The following CNTN5 variants were observed in gnomAD, a reference collection of about 807,000 sequenced individuals.
The protein encoded by CNTN5 is contactin-5.
A neutral mutation model predicts 129.1 loss-of-function variants in CNTN5; 77 were observed. That is an observed-to-expected ratio of 0.60 (90% CI 0.50 to 0.72). The LOEUF (loss-of-function observed/expected upper bound fraction) is 0.72. CNTN5 is among the 30% of genes least tolerant of loss of function. CNTN5 has a pLI of 0.00. For synonymous variants in CNTN5, 509 were observed against 465.6 expected, an observed-to-expected ratio of 1.09 and a Z score of -1.20; for missense variants, 1,478 against 1,328.8, an observed-to-expected ratio of 1.11 and a Z score of -1.75.
chr11:99,420,309 C>A (rs1282523765), intron 2 of CNTN5, among the ~76,000 whole-genome samples: 1 of 151,994 alleles, frequency 6.6e-6, no homozygotes, highest in Admixed American at 6.6e-5. Flanking sequence ...AAGGTTATCC[C>A]CAAAATGATG....
At chr11:99,624,919 C>G (rs1951075651) in intron 3 of CNTN5, among the ~76,000 whole-genome samples, 1 of 152,146 alleles carries the variant, frequency 6.6e-6, no homozygotes, top group African/African-American at 2.4e-5. Flanking sequence ...AGCTCAAACC[C>G]TTGCCTGCTA....
chr11:99,813,956 T>A (rs1287150578), intron 3 of CNTN5, among the ~76,000 whole-genome samples: 1 of 152,134 alleles, frequency 6.6e-6, no homozygotes, highest in Non-Finnish European at 1.5e-5. Flanking sequence ...TTGAATACTT[T>A]TACCATATAC....
chr11:99,567,893 C>G (rs896700508), intron 3 of CNTN5, among the ~76,000 whole-genome samples: 2 of 151,894 alleles, frequency 1.3e-5, no homozygotes, highest in African/African-American at 2.4e-5. Context: ...ACTTAGTGAG[C>G]TTTGTTATTT....
intron 1 of CNTN5, among the ~76,000 whole-genome samples, chr11:99,036,771 T>C (rs939652116): frequency 1.3e-5 from 2 of 152,200 alleles, no homozygotes; most frequent in Admixed American, 6.5e-5. Context: ...ACAGAATGGT[T>C]CTAAAAGAAA....
intron 23 of CNTN5, 45 bp downstream of exon 23, chr11:100,341,250 T>C (rs764048503): frequency 1.5e-6 from 2 of 1,372,594 alleles, no homozygotes; most frequent in South Asian, 2.3e-5. Flanking sequence ...ATCTCCGAAA[T>C]TGTTATTATG....
intron 13 of CNTN5, among the ~76,000 whole-genome samples, chr11:100,120,213 GTTAC>G (rs1945972031): frequency 6.6e-6 from 1 of 151,842 alleles, no homozygotes; most frequent in African/African-American, 2.4e-5. Context: ...TACTCATCCA[GTTAC>G]TTACTTGGAA....
At chr11:99,686,983 G>C (rs1953820185) in intron 3 of CNTN5, among the ~76,000 whole-genome samples, 1 of 152,078 alleles carries the variant, frequency 6.6e-6, no homozygotes, top group African/African-American at 2.4e-5. Flanking sequence ...TTTCTGCTCA[G>C]ACTCTCACAG....
intron 18 of CNTN5, among the ~76,000 whole-genome samples, chr11:100,284,289 A>C (rs902468412): frequency 3.9e-5 from 6 of 152,196 alleles, no homozygotes; most frequent in Admixed American, 3.3e-4. Context: ...GTCCTTGCCA[A>C]GGGGACAATC....
intron 14 of CNTN5, 85 bp downstream of exon 14, chr11:100,191,338 G>A (rs578173409): frequency 8.5e-7 from 1 of 1,179,254 alleles, no homozygotes; most frequent in Non-Finnish European, 1.2e-6. Context: ...ATGCATATAT[G>A]TTTGGACTTA....
chr11:99,916,347 T>C (rs1360090801), intron 7 of CNTN5, among the ~76,000 whole-genome samples, 198 bp downstream of exon 7: 1 of 152,140 alleles, frequency 6.6e-6, no homozygotes, highest in Non-Finnish European at 1.5e-5. Context: ...TCCAATAAGA[T>C]TGTTTTATTG....
intron 20 of CNTN5, among the ~76,000 whole-genome samples, chr11:100,299,692 A>C (rs1200342468): frequency 6.6e-6 from 1 of 151,442 alleles, no homozygotes; most frequent in Admixed American, 6.6e-5. Flanking sequence ...CTCTGGGTGG[A>C]CATTAAGCCA....
chr11:100,088,808 CAAGA>C (rs1219861217), intron 13 of CNTN5, among the ~76,000 whole-genome samples: 3 of 151,878 alleles, frequency 2.0e-5, no homozygotes, highest in Non-Finnish European at 4.4e-5. Context: ...ACCAAACATA[CAAGA>C]AAGAGCTGAT....
intron 1 of CNTN5, among the ~76,000 whole-genome samples, chr11:99,307,719 C>T (rs1453700396): frequency 6.6e-6 from 1 of 152,028 alleles, no homozygotes; most frequent in Non-Finnish European, 1.5e-5. Context: ...TTGAGTCTAA[C>T]CATTGATTTT....
intron 1 of CNTN5, among the ~76,000 whole-genome samples, chr11:99,101,198 G>A (rs1194054325): frequency 1.3e-5 from 2 of 152,096 alleles, no homozygotes; most frequent in African/African-American, 4.8e-5. Flanking sequence ...CAGTATTGGG[G>A]AAACCACCCC....
chr11:99,646,698 G>A (rs1030301058), intron 3 of CNTN5, among the ~76,000 whole-genome samples: 2 of 151,020 alleles, frequency 1.3e-5, no homozygotes, highest in African/African-American at 2.4e-5. Context: ...TAAGTATATT[G>A]CCCATTAGTA....
intron 8 of CNTN5, among the ~76,000 whole-genome samples, chr11:99,963,443 G>T (rs891265789): frequency 2.0e-5 from 3 of 151,982 alleles, no homozygotes; most frequent in East Asian, 3.9e-4. Context: ...TTTTTTGTCA[G>T]GTTTGTCAAA....
At chr11:100,269,761 T>C (rs953080104) in intron 17 of CNTN5, among the ~76,000 whole-genome samples, 1 of 152,064 alleles carries the variant, frequency 6.6e-6, no homozygotes. Context: ...GAGGTTAGAA[T>C]AAAAGGGCTG....
intron 2 of CNTN5, among the ~76,000 whole-genome samples, chr11:99,379,343 G>A (rs1940383835): frequency 6.6e-6 from 1 of 151,666 alleles, no homozygotes. Context: ...GTAAGAATCT[G>A]TAATGGGCTT....
At chr11:99,411,991 A>G (rs2135013020) in intron 2 of CNTN5, among the ~76,000 whole-genome samples, 1 of 152,334 alleles carries the variant, frequency 6.6e-6, no homozygotes, top group Middle Eastern at 3.4e-3. Context: ...TATTACTTTG[A>G]ATTACTTTGA....
Sources: gnomAD v4.1 joint callset for allele counts (sites outside exome capture counted in the v4.1 genomes callset) on GRCh38, gnomAD v4.1.1 for gene constraint, MANE v1.5 for transcripts, NCBI Gene and HGNC (gene_info 2026-07-23, HGNC 2026-07-21) for gene names.